Variants in MECOM observed in about 807,000 individuals in gnomAD.
The protein encoded by MECOM is MDS1 and EVI1 complex locus.
MECOM carries 13 observed loss-of-function variants against 116.3 expected under a neutral mutation model. That is an observed-to-expected ratio of 0.11 (90% CI 0.07 to 0.18). The LOEUF is 0.18. MECOM is among the 10% of genes least tolerant of loss of function. MECOM has a pLI of 1.00. For synonymous variants in MECOM, 528 were observed against 535.2 expected (o/e 0.99, Z 0.19); for missense variants, 1,299 against 1,509.0 (o/e 0.86, Z 2.31).
chr3:169,513,855 T>G (rs1199426802), intron 1 of MECOM, among the ~76,000 whole-genome samples: 2 of 152,210 alleles, frequency 1.3e-5, no homozygotes, highest in Non-Finnish European at 2.9e-5. Flanking sequence ...CAGGCACACC[T>G]GCAACCTCTT....
rs190065535 is a variant in MECOM at position 169,556,389 on chromosome 3, A to G, written c.37+106947T>C. 3.9e-5 allele frequency among the ~76,000 whole-genome samples: 6 copies of G among 152,242 alleles called. No individual in the cohort carries two copies. In the East Asian group the frequency reaches 7.7e-4, roughly 20 times the overall value. ...TTGGGCTGAGAAAGATACTTGAATG[A>G]CTTTGTTGAAGGTGAAGTAAAGGGG... is the stretch of plus-strand genomic sequence containing the variant. On this transcript the variant is annotated intron_variant, in intron 1 of 16. Coordinates refer to ENST00000651503, the MANE Select transcript of MECOM (RefSeq NM_004991.4).
intron 1 of MECOM, among the ~76,000 whole-genome samples, chr3:169,424,393 C>A (rs1288280576): frequency 6.6e-6 from 1 of 152,212 alleles, no homozygotes; most frequent in Middle Eastern, 3.4e-3. Context: ...TTTTTCTGAT[C>A]TGATTGGCAG....
chr3:169,646,079 T>C lies in MECOM; in HGVS notation c.37+17257A>G, dbSNP rs543458831. On this transcript the variant is annotated intron_variant, in intron 1 of 16. Transcript: ENST00000651503. ...CCTACAAAGGACATGAACTCATCCT[T>C]TTTTATGGCTGCATAGTATTCCATG... Among the ~76,000 whole-genome samples the C allele has an allele frequency of 1.1e-4, 17 of 152,270 alleles. No homozygotes were observed. In the East Asian group the frequency reaches 2.5e-3, roughly 22 times the overall value.
intron 5 of MECOM, among the ~76,000 whole-genome samples, chr3:169,125,863 T>C (rs1732643771): frequency 6.6e-6 from 1 of 152,114 alleles, no homozygotes; most frequent in South Asian, 2.1e-4. Flanking sequence ...CTCAAGATTT[T>C]ACATAAAGGA....
chr3:169,222,587 G>A (rs554868115), intron 2 of MECOM, among the ~76,000 whole-genome samples: 1 of 152,320 alleles, frequency 6.6e-6, no homozygotes, highest in South Asian at 2.1e-4. Context: ...AATGCTGACA[G>A]GGGTCAGTGT....
intron 2 of MECOM, among the ~76,000 whole-genome samples, chr3:169,376,781 C>T (rs967419231): frequency 6.6e-6 from 1 of 152,024 alleles, no homozygotes; most frequent in African/African-American, 2.4e-5. Context: ...TCAATGTTAT[C>T]CCATCCAGCT....
chr3:169,250,383 T>G (rs1384071040), intron 2 of MECOM, among the ~76,000 whole-genome samples: 3 of 152,210 alleles, frequency 2.0e-5, no homozygotes, highest in Non-Finnish European at 4.4e-5. Flanking sequence ...ATTAATTTGT[T>G]AACTGTAACT....
chr3:169,178,187 C>A (rs1408242028), intron 2 of MECOM, among the ~76,000 whole-genome samples: 5 of 152,188 alleles, frequency 3.3e-5, no homozygotes, highest in African/African-American at 1.2e-4. Context: ...TGAAAGCCTG[C>A]AAGCAAGTTT....
intron 2 of MECOM, among the ~76,000 whole-genome samples, chr3:169,207,614 G>C (rs1418472879): frequency 6.6e-6 from 1 of 152,162 alleles, no homozygotes; most frequent in Non-Finnish European, 1.5e-5. Flanking sequence ...GTGAGAAAGA[G>C]TGTGGATTAC....
intron 2 of MECOM, among the ~76,000 whole-genome samples, chr3:169,270,001 A>C (rs1177333105): frequency 6.6e-6 from 1 of 151,932 alleles, no homozygotes; most frequent in Non-Finnish European, 1.5e-5. Flanking sequence ...TAGGTATTTC[A>C]TACTCACTTG....
intron 1 of MECOM, among the ~76,000 whole-genome samples, chr3:169,502,715 T>G (rs745915561): frequency 6.6e-6 from 1 of 152,124 alleles, no homozygotes; most frequent in Non-Finnish European, 1.5e-5. Flanking sequence ...GCTTTAAAGT[T>G]CAACATCATT....
Position 169,611,647 on chromosome 3 carries a change from G to A in MECOM, c.37+51689C>T, listed in dbSNP as rs1260575297. Among the ~76,000 whole-genome samples, 4 of 151,988 alleles carry A rather than the reference G, an allele frequency of 2.6e-5. No homozygotes were observed. Among genetic ancestry groups the A allele is most frequent in the African/African-American group, 9.7e-5 (4 of 41,360 alleles). ...GTTCCTATAACAGCTAATAATCTCT[G>A]GACCTCAAAATCACTATATATCTTT... On this transcript the variant is annotated intron_variant, in intron 1 of 16. Transcript: ENST00000651503. The surrounding 1 kb of genome is among the most constrained non-coding windows in gnomAD (Gnocchi z 4.1).
intron 2 of MECOM, among the ~76,000 whole-genome samples, chr3:169,191,703 AGAAAGAAAGAAAGAAAAAAAG>A (rs1747583174): frequency 2.5e-5 from 1 of 39,684 alleles, no homozygotes; most frequent in African/African-American, 9.0e-5. Flanking sequence ...GAGATAGAAA[AGAAAGAAAGAAAGAAAAAAAG>A]AAAGAAAGAA....
intron 2 of MECOM, among the ~76,000 whole-genome samples, chr3:169,288,326 C>T (rs2149690838): frequency 6.6e-6 from 1 of 152,086 alleles, no homozygotes; most frequent in African/African-American, 2.4e-5. Flanking sequence ...GAGAAGGAAT[C>T]TGATACAAAT....
intron 1 of MECOM, among the ~76,000 whole-genome samples, chr3:169,387,988 T>G (rs1042617139): frequency 3.9e-5 from 6 of 151,982 alleles, no homozygotes; most frequent in Non-Finnish European, 2.9e-5. Context: ...AAAGGTTAAT[T>G]GCTACTAAAG....
chr3:169,299,651 A>G (rs1716327841), intron 2 of MECOM, among the ~76,000 whole-genome samples: 1 of 152,160 alleles, frequency 6.6e-6, no homozygotes, highest in South Asian at 2.1e-4. Flanking sequence ...CATGAATCAC[A>G]GCCCCATTCC....
intron 8 of MECOM, among the ~76,000 whole-genome samples, chr3:169,114,897 G>A (rs992806776): frequency 6.6e-6 from 1 of 151,970 alleles, no homozygotes; most frequent in African/African-American, 2.4e-5. Flanking sequence ...TTACTTGGGG[G>A]CTCCTGAGAG....
intron 2 of MECOM, among the ~76,000 whole-genome samples, chr3:169,361,598 A>G (rs1728311744): frequency 1.3e-5 from 2 of 151,894 alleles, no homozygotes; most frequent in African/African-American, 4.8e-5. Flanking sequence ...CAAAAATTCT[A>G]TGAGGTAGAT....
intron 1 of MECOM, among the ~76,000 whole-genome samples, chr3:169,599,789 A>G (rs1467363341): frequency 1.3e-5 from 2 of 152,218 alleles, no homozygotes; most frequent in Non-Finnish European, 2.9e-5. Context: ...CATGATAAAT[A>G]TGTTGATTAA....
Sources: allele counts gnomAD v4.1 joint callset (sites outside exome capture counted in the v4.1 genomes callset), GRCh38; gene constraint gnomAD v4.1.1; non-coding constraint Gnocchi (gnomAD v3.1); transcripts MANE v1.5; gene names NCBI Gene and HGNC (gene_info 2026-07-23, HGNC 2026-07-21).